Variants in IQCH observed in about 807,000 individuals in gnomAD.
The protein encoded by IQCH is IQ motif containing H, also known as IQ domain-containing protein H.
In IQCH, 98 loss-of-function variants were observed where a neutral mutation model predicts 117.0. The observed-to-expected ratio is 0.84, with a 90% CI of 0.71 to 0.99. The LOEUF is 0.99. Ranked by LOEUF, IQCH falls within the 50% of genes least tolerant of loss-of-function variation. IQCH has a pLI of 0.00. For synonymous variants in IQCH, 412 were observed against 448.2 expected (o/e 0.92, Z 1.02); for missense variants, 1,102 against 1,243.8 (o/e 0.89, Z 1.72).
chr15:67,314,968 T>A (rs1261160568), intron 4 of IQCH, among the ~76,000 whole-genome samples: 1 of 152,190 alleles, frequency 6.6e-6, no homozygotes, highest in Non-Finnish European at 1.5e-5. Flanking sequence ...TGATGTCTTA[T>A]AGGCAGCTGG....
intron 18 of IQCH, among the ~76,000 whole-genome samples, chr15:67,487,063 TG>T (rs1442108411): frequency 6.6e-6 from 1 of 152,236 alleles, no homozygotes; most frequent in African/African-American, 2.4e-5. Context: ...CCAGGCACAG[TG>T]GCTCACGCCT....
chr15:67,276,949 A>G (rs1371053370), intron 3 of IQCH, among the ~76,000 whole-genome samples: 1 of 152,142 alleles, frequency 6.6e-6, no homozygotes, highest in African/African-American at 2.4e-5. Context: ...GTATTCCTAT[A>G]AGTATGTCAC....
rs915663631 is a variant in IQCH, at chr15:67,365,756, C to T, written c.753+5871C>T. The stretch of plus-strand genomic sequence containing the variant: ...ACCAGCCTGGACAACATGGTGAAAC[C>T]CTATCTCTACTAAAAATATAAAAGT... On this transcript the variant is annotated intron_variant, in intron 8 of 20. Coordinates refer to ENST00000335894, the MANE Select transcript of IQCH (RefSeq NM_001031715.3). This position sits in a 1 kb window ranked among gnomAD's most constrained non-coding sequence, Gnocchi z 4.4. Among the ~76,000 whole-genome samples the T allele has an allele frequency of 1.3e-5, 2 of 152,058 alleles. No homozygotes were observed. The highest frequency in any genetic ancestry group is 4.8e-5 in the African/African-American group (2 of 41,382).
chr15:67,257,197 C>G (rs1965259696), intron 1 of IQCH, among the ~76,000 whole-genome samples: 2 of 152,220 alleles, frequency 1.3e-5, no homozygotes, highest in East Asian at 3.9e-4. Flanking sequence ...TTCCATAGGA[C>G]ATATAGTTTG....
At chr15:67,375,752 T>C (rs925057295) in intron 10 of IQCH, among the ~76,000 whole-genome samples, 1 of 151,354 alleles carries the variant, frequency 6.6e-6, no homozygotes, top group Non-Finnish European at 1.5e-5. Flanking sequence ...TTTGATCATA[T>C]AGTATTTGTT....
At chr15:67,451,855 G>C (rs889165172) in intron 16 of IQCH, among the ~76,000 whole-genome samples, 18 of 152,292 alleles carry the variant, frequency 1.2e-4, no homozygotes, top group African/African-American at 4.3e-4. Flanking sequence ...TTGTGTGGGA[G>C]TCTAAGTCTC....
rs1322008269 is a variant in IQCH at position 67,385,639 on chromosome 15, G to C, written c.1456+620G>C. 3.3e-5 allele frequency among the ~76,000 whole-genome samples: 5 copies of C among 152,152 alleles called. No individual in the cohort carries two copies. The East Asian group carries it at 9.6e-4, about 29-fold the overall frequency. On this transcript the variant is annotated intron_variant, in intron 11 of 20. Transcript: ENST00000335894. This position sits in a 1 kb window ranked among gnomAD's most constrained non-coding sequence, Gnocchi z 4.6. ...ATCAGACACCCATCTGGAGCCAGGAGAGAAGGATGCCTGAATGTGATAGCT... is the reference window on the plus strand; with the variant it reads ...ATCAGACACCCATCTGGAGCCAGGACAGAAGGATGCCTGAATGTGATAGCT...
intron 14 of IQCH, among the ~76,000 whole-genome samples, chr15:67,415,268 A>G (rs1228283156): frequency 3.9e-5 from 6 of 152,166 alleles, no homozygotes; most frequent in East Asian, 3.8e-4. Flanking sequence ...GAAAAGGCCC[A>G]TTGCTTTGAC....
chr15:67,344,557 C>T (rs574171486), intron 6 of IQCH, among the ~76,000 whole-genome samples: 99 of 152,318 alleles, frequency 6.5e-4, no homozygotes, highest in Admixed American at 1.0e-3. Context: ...AAAACAGATG[C>T]ACAGTGACCA....
Position 67,372,181 on chromosome 15 carries a change from G to A in IQCH, c.824G>A (p.Gly275Asp). Residue 275 changes from glycine (G) to aspartate (D), a missense_variant, in exon 9 of 21, where the codon GGT becomes GAT. Gly to Asp is a moderately conservative substitution (Grantham distance 94). This residue lies in a region of IQCH where 452 missense variants were observed against 449.6 expected (regional missense o/e 1.01). Transcript: ENST00000335894. The part of the protein sequence containing the change: ...LWDYDFLIYD[G>D]VIDNTAPDFL... ...GATTATGACTTTTTAATTTATGATGGTGTCATAGACAATACAGCCCCAGAC... is the reference window on the plus strand; with the variant it reads ...GATTATGACTTTTTAATTTATGATGATGTCATAGACAATACAGCCCCAGAC... The A allele has an allele frequency of 1.2e-6, 2 of 1,613,832 alleles. No homozygotes were observed. Among genetic ancestry groups the A allele is most frequent in the Non-Finnish European group, 8.5e-7 (1 of 1,179,898 alleles).
At chr15:67,345,834 T>G (rs970891072) in intron 6 of IQCH, among the ~76,000 whole-genome samples, 1 of 152,208 alleles carries the variant, frequency 6.6e-6, no homozygotes, top group African/African-American at 2.4e-5. Context: ...TTAATAATAA[T>G]GTATCAATGA....
rs186259586 is a variant in IQCH at position 67,396,941 on chromosome 15, G to A, written c.1905+1378G>A. Among the ~76,000 whole-genome samples, 195 of 152,254 alleles carry A rather than the reference G, an allele frequency of 1.3e-3. 1 individual carries two copies. The highest frequency in any genetic ancestry group is 2.1e-3 in the Non-Finnish European group (144 of 68,022). ...GCTTATGAAGGAGGTTTCTCTTAACGGTATCACAACCTAGGACAGTCGCAG... is the reference window on the plus strand; with the variant it reads ...GCTTATGAAGGAGGTTTCTCTTAACAGTATCACAACCTAGGACAGTCGCAG... On this transcript the variant is annotated intron_variant, in intron 13 of 20. Transcript: ENST00000335894.
At position 67,447,964 on chromosome 15, in the gene IQCH, G is replaced by A. The variant is rs561512280; in HGVS notation, c.2506-17163G>A. On this transcript the variant is annotated intron_variant, in intron 16 of 20. Coordinates refer to ENST00000335894, the MANE Select transcript of IQCH (RefSeq NM_001031715.3). The surrounding 1 kb of genome is among the most constrained non-coding windows in gnomAD (Gnocchi z 5.3). ...CCTCACTGGGCATTAATTTGCTTTC[G>A]TGTCTGTAGCAGGTATTTTCTACCC... Among the ~76,000 whole-genome samples, 147 of 152,056 alleles carry A rather than the reference G, an allele frequency of 9.7e-4. No individual in the cohort carries two copies. The highest frequency in any genetic ancestry group is 1.9e-3 in the Non-Finnish European group (126 of 68,008).
intron 4 of IQCH, among the ~76,000 whole-genome samples, chr15:67,317,172 G>C (rs1967887866): frequency 6.6e-6 from 1 of 152,040 alleles, no homozygotes; most frequent in African/African-American, 2.4e-5. Context: ...TTAAAGACCT[G>C]TATAATTGAG....
intron 6 of IQCH, among the ~76,000 whole-genome samples, chr15:67,354,128 C>A (rs959001071): frequency 2.6e-5 from 4 of 152,056 alleles, no homozygotes; most frequent in African/African-American, 9.7e-5. Context: ...TTTTATGGAG[C>A]TATTGTAACT....
intron 4 of IQCH, among the ~76,000 whole-genome samples, chr15:67,309,117 A>G (rs979093797): frequency 2.0e-5 from 3 of 152,114 alleles, no homozygotes; most frequent in Non-Finnish European, 4.4e-5. Flanking sequence ...TGTCCACAAT[A>G]AAAGTATCTA....
chr15:67,371,536 G>T, intron 8 of IQCH: 1 of 1,519,668 alleles, frequency 6.6e-7, no homozygotes. Flanking sequence ...TGACAAAGGT[G>T]ATAACATATA....
Position 67,479,980 on chromosome 15 carries a change from T to C in IQCH, c.2799+4162T>C, listed in dbSNP as rs2083301954. ...AACTTGGTGGGTCTCATTCCGGGTA[T>C]TTCTCTAATGCTACAGAATACCCCC... On this transcript the variant is annotated intron_variant, in intron 18 of 20. Transcript: ENST00000335894. The surrounding 1 kb of genome is among the most constrained non-coding windows in gnomAD (Gnocchi z 4.6). Among the ~76,000 whole-genome samples, 1 of 152,234 alleles carries C rather than the reference T, an allele frequency of 6.6e-6. No homozygotes were observed. Among genetic ancestry groups the C allele is most frequent in the Non-Finnish European group, 1.5e-5 (1 of 68,036 alleles).
At position 67,400,491 on chromosome 15, in the gene IQCH, C is replaced by CTTTTCTTTTTT. The variant is rs776111763; in HGVS notation, c.2097+190_2097+191insCTTTTTTTTTT. Among the ~76,000 whole-genome samples the CTTTTCTTTTTT allele has an allele frequency of 4.3e-5, 5 of 115,600 alleles. 2 individuals are homozygous for CTTTTCTTTTTT. The highest frequency in any genetic ancestry group is 2.1e-4 in the Admixed American group (2 of 9,732). The allele number at this position is 115,600 out of a possible 152,430, so 75.8% of individuals were successfully genotyped here. A position where few individuals can be genotyped will look rare whatever the true frequency, so the allele number is the denominator to read the frequency against. ...TGGGATTGACTGAGTTCTTTTTTTTCTTTTTTTTTTTGAGATGGGGCCTCA... is the reference window on the plus strand; with the variant it reads ...TGGGATTGACTGAGTTCTTTTTTTTCTTTTCTTTTTTTTTTTTTTTTTGAGATGGGGCCTCA... On this transcript the variant is annotated intron_variant, in intron 14 of 20. Coordinates refer to ENST00000335894, the MANE Select transcript of IQCH (RefSeq NM_001031715.3).
Sources: allele counts gnomAD v4.1 joint callset (sites outside exome capture counted in the v4.1 genomes callset), GRCh38; gene constraint gnomAD v4.1.1; regional missense constraint gnomAD v4.1.1; non-coding constraint Gnocchi (gnomAD v3.1); transcripts MANE v1.5; gene names NCBI Gene and HGNC (gene_info 2026-07-23, HGNC 2026-07-21).